The following PAM variants were observed in gnomAD, a reference collection of about 807,000 sequenced individuals.
PAM encodes the protein peptidyl-glycine alpha-amidating monooxygenase.
Under a neutral mutation model 122.1 loss-of-function variants are expected in PAM, and 72 were observed. The ratio of observed to expected loss-of-function variants is 0.59; its 90% confidence interval spans 0.49 to 0.72. PAM has a LOEUF of 0.72. PAM is among the 30% of genes least tolerant of loss of function. PAM has a pLI of 0.00. For synonymous variants in PAM, 389 were observed against 404.4 expected, an observed-to-expected ratio of 0.96 and a Z score of 0.46; for missense variants, 1,106 against 1,183.7, an observed-to-expected ratio of 0.93 and a Z score of 0.96.
intron 1 of PAM, among the ~76,000 whole-genome samples, chr5:102,777,457 A>G (rs1428547248): frequency 6.6e-6 from 1 of 152,120 alleles, no homozygotes; most frequent in Non-Finnish European, 1.5e-5. Context: ...GTTTCCTGGG[A>G]CATACCAGGT....
At chr5:102,940,491 A>ATG (rs1482877155) in intron 7 of PAM, among the ~76,000 whole-genome samples, 1 of 138,330 alleles carries the variant, frequency 7.2e-6, no homozygotes, top group African/African-American at 2.6e-5. Context: ...AATGCTATAT[A>ATG]TATATATCAG....
Position 102,959,974 on chromosome 5 carries a change from A to G in PAM, c.1005A>G (p.Pro335=). 1.2e-6 allele frequency: 2 copies of G among 1,612,122 alleles called. No individual in the cohort carries two copies. Among genetic ancestry groups the G allele is most frequent in the Non-Finnish European group, 1.7e-6 (2 of 1,178,306 alleles). Residue 335 remains proline (P), a synonymous_variant, in exon 13 of 26, where the codon CCA becomes CCG. Transcript: ENST00000438793. Reference sequence around the variant, plus strand: ...TGACCTGTACCCAGAATGTAGCTCCAGATATGTTCAGAACCATACCACCAG... The same window carrying G: ...TGACCTGTACCCAGAATGTAGCTCCGGATATGTTCAGAACCATACCACCAG... ...SFMTCTQNVA[P]DMFRTIPPEA...
intron 3 of PAM, among the ~76,000 whole-genome samples, chr5:102,883,516 T>A (rs1791982533): frequency 6.6e-6 from 1 of 151,996 alleles, no homozygotes; most frequent in Non-Finnish European, 1.5e-5. Flanking sequence ...CTCAGCTTGA[T>A]CACTGTTGAT....
chr5:103,007,976 C>T (rs1044691061), intron 20 of PAM, among the ~76,000 whole-genome samples: 6 of 151,952 alleles, frequency 3.9e-5, no homozygotes, highest in African/African-American at 1.2e-4. Context: ...CTTCACACAT[C>T]GACAAATGGT....
chr5:102,853,628 G>T (rs553333208), intron 1 of PAM, among the ~76,000 whole-genome samples: 63 of 152,302 alleles, frequency 4.1e-4, no homozygotes, highest in African/African-American at 1.4e-3. Flanking sequence ...GTTTCTCACA[G>T]TAGCCATTTG....
At chr5:102,763,295 T>C (rs1003466360) in intron 1 of PAM, among the ~76,000 whole-genome samples, 8 of 152,278 alleles carry the variant, frequency 5.3e-5, no homozygotes, top group Non-Finnish European at 7.4e-5. Context: ...AGTGGAAAAA[T>C]TTTTTATCTA....
intron 14 of PAM, among the ~76,000 whole-genome samples, chr5:102,966,216 A>T (rs531106340): frequency 8.5e-5 from 13 of 152,174 alleles, no homozygotes; most frequent in African/African-American, 3.1e-4. Context: ...GAACTCATCT[A>T]TCAAACACAA....
intron 14 of PAM, among the ~76,000 whole-genome samples, chr5:102,971,699 C>G (rs897974934): frequency 9.9e-5 from 15 of 152,176 alleles, no homozygotes; most frequent in African/African-American, 3.6e-4. Context: ...AGAGATGACA[C>G]AGGGGTCAGG....
intron 1 of PAM, among the ~76,000 whole-genome samples, chr5:102,817,894 CT>C (rs1218594349): frequency 6.6e-6 from 1 of 151,762 alleles, no homozygotes; most frequent in African/African-American, 2.4e-5. Context: ...CATGTTGGGC[CT>C]TTTTAATTGC....
chr5:103,015,738 T>C (rs1781793680), intron 21 of PAM, among the ~76,000 whole-genome samples: 1 of 152,196 alleles, frequency 6.6e-6, no homozygotes, highest in African/African-American at 2.4e-5. Context: ...CTTGGCTTCA[T>C]GGATCAGTGG....
chr5:102,777,511 C>A (rs1392511467), intron 1 of PAM, among the ~76,000 whole-genome samples: 1 of 151,868 alleles, frequency 6.6e-6, no homozygotes, highest in Non-Finnish European at 1.5e-5. Context: ...CTAGTAAAAT[C>A]AAGTATTTAA....
At chr5:102,922,935 T>C (rs1747957958) in intron 5 of PAM, among the ~76,000 whole-genome samples, 1 of 152,214 alleles carries the variant, frequency 6.6e-6, no homozygotes, top group Non-Finnish European at 1.5e-5. Context: ...TTTAGCACAC[T>C]TGGCACAAGG....
rs939303015 is a variant in PAM at position 102,947,003 on chromosome 5, C to A, written c.575+118C>A. 1.1e-5 allele frequency: 8 copies of A among 720,008 alleles called. No homozygotes were observed. The African/African-American group carries it at 1.4e-4, about 13-fold the overall frequency. The allele number at this position is 720,008 out of a possible 1,614,324, so 44.6% of individuals were successfully genotyped here. A position where few individuals can be genotyped will look rare whatever the true frequency, so the allele number is the denominator to read the frequency against. On this transcript the variant is annotated intron_variant, in intron 8 of 25. Coordinates refer to ENST00000438793, the MANE Select transcript of PAM (RefSeq NM_001177306.2). ...AAAATTAACCTAAACTGGGTTAAAA[C>A]AACAAATATGTATTGTCTCATTTTC...
intron 1 of PAM, among the ~76,000 whole-genome samples, chr5:102,787,179 C>A (rs1760761345): frequency 6.6e-6 from 1 of 152,112 alleles, no homozygotes; most frequent in South Asian, 2.1e-4. Flanking sequence ...GTTTTACCAT[C>A]CTTATTTTTC....
chr5:102,931,842 C>G (rs1024761959), intron 7 of PAM, among the ~76,000 whole-genome samples: 1 of 151,994 alleles, frequency 6.6e-6, no homozygotes, highest in Non-Finnish European at 1.5e-5. Flanking sequence ...CTGTCTCTCT[C>G]GGCTTGTTTC....
At chr5:103,010,727 A>C (rs1780353261) in intron 21 of PAM, among the ~76,000 whole-genome samples, 1 of 152,192 alleles carries the variant, frequency 6.6e-6, no homozygotes, top group South Asian at 2.1e-4. Flanking sequence ...CAGATTTGCT[A>C]ATTTAAAAAA....
intron 13 of PAM, 63 bp downstream of exon 13, chr5:102,960,122 C>A: frequency 1.1e-6 from 1 of 896,396 alleles, no homozygotes; most frequent in South Asian, 1.8e-5. Flanking sequence ...TTGTATGTAT[C>A]TTGTTTGATG....
At chr5:103,015,557 CA>C (rs1781730726) in intron 21 of PAM, among the ~76,000 whole-genome samples, 1 of 152,110 alleles carries the variant, frequency 6.6e-6, no homozygotes, top group Non-Finnish European at 1.5e-5. Context: ...AATTTTGTTT[CA>C]AATGACACAA....
At chr5:103,009,181 G>A (rs991696636) in intron 20 of PAM, among the ~76,000 whole-genome samples, 2 of 152,076 alleles carry the variant, frequency 1.3e-5, no homozygotes, top group Non-Finnish European at 2.9e-5. Context: ...TATTCATGGT[G>A]TGAAAATTAA....
Sources: allele counts gnomAD v4.1 joint callset (sites outside exome capture counted in the v4.1 genomes callset), GRCh38; gene constraint gnomAD v4.1.1; transcripts MANE v1.5; gene names NCBI Gene and HGNC (gene_info 2026-07-23, HGNC 2026-07-21).